The following TBC1D12 variants were observed in gnomAD, a reference collection of about 807,000 sequenced individuals.
The protein encoded by TBC1D12 is TBC1 domain family member 12.
A neutral mutation model predicts 86.7 loss-of-function variants in TBC1D12; 56 were observed. That is an observed-to-expected ratio of 0.65 (90% CI 0.52 to 0.81). TBC1D12 has a LOEUF of 0.81. TBC1D12 is among the 30% of genes least tolerant of loss of function. The pLI is 0.00. For missense variants in TBC1D12, 1,023 were observed against 1,038.8 expected (o/e 0.98, Z 0.21); for synonymous variants, 421 against 411.7 (o/e 1.02, Z -0.27).
At position 94,522,007 on chromosome 10, in the gene TBC1D12, C is replaced by T; in HGVS notation, c.1814C>T (p.Ala605Val). 6.2e-7 allele frequency: 1 copy of T among 1,612,412 alleles called. No individual in the cohort carries two copies. ...AAVLILNLEEADAFIAFANLL... is the reference protein window; with the variant it reads ...AAVLILNLEEVDAFIAFANLL... ...GTACTCATTCTCAATTTGGAAGAGG[C>T]AGATGCCTTTATCGCATTTGCCAAT... The change falls in exon 10 of 13, where the codon GCA becomes GTA. Residue 605 changes from alanine to valine, a missense_variant. Physicochemically the swap from Ala to Val is moderately conservative, Grantham distance 64. This residue lies in a region of TBC1D12 where 395 missense variants were observed against 507.7 expected (regional missense o/e 0.78). Coordinates refer to ENST00000225235, the MANE Select transcript of TBC1D12 (RefSeq NM_015188.2).
intron 11 of TBC1D12, among the ~76,000 whole-genome samples, chr10:94,526,454 A>C (rs527491723): frequency 6.6e-6 from 1 of 152,172 alleles, no homozygotes; most frequent in Non-Finnish European, 1.5e-5. Flanking sequence ...AAAAGAAAGA[A>C]AAAGAGAGTG....
intron 1 of TBC1D12, among the ~76,000 whole-genome samples, chr10:94,416,428 T>C (rs2054998637): frequency 1.3e-5 from 2 of 152,252 alleles, no homozygotes; most frequent in Admixed American, 6.5e-5. Flanking sequence ...TAGTTCATTG[T>C]AATGTTCATA....
intron 2 of TBC1D12, among the ~76,000 whole-genome samples, chr10:94,451,720 CTCTT>C (rs1421106385): frequency 6.6e-6 from 1 of 152,058 alleles, no homozygotes; most frequent in Non-Finnish European, 1.5e-5. Flanking sequence ...GATATCTTAT[CTCTT>C]TGTGTGCCCA....
At chr10:94,404,648 CA>C (rs11365857) in intron 1 of TBC1D12, among the ~76,000 whole-genome samples, 53,834 of 125,612 alleles carry the variant, frequency 0.43, 10,144 homozygotes, top group East Asian at 0.75. Context: ...CTCCGTCTTT[CA>C]AAAAAAAAAA....
chr10:94,477,202 TTGGTCTCTAG>T (rs1382090723), intron 3 of TBC1D12, among the ~76,000 whole-genome samples: 3 of 152,218 alleles, frequency 2.0e-5, no homozygotes, highest in Non-Finnish European at 2.9e-5. Flanking sequence ...GAGACTGAAT[TTGGTCTCTAG>T]TGTTCCACCC....
chr10:94,452,999 A>G (rs1485317348), intron 2 of TBC1D12, among the ~76,000 whole-genome samples: 1 of 152,100 alleles, frequency 6.6e-6, no homozygotes, highest in African/African-American at 2.4e-5. Flanking sequence ...GTGGTGTCTC[A>G]TTGTCTTAAT....
In TBC1D12 at chr10:94,403,269, C is replaced by T. The variant is rs1312228255; in HGVS notation, c.656C>T (p.Ser219Leu). The T allele has an allele frequency of 2.7e-6, 4 of 1,502,648 alleles. No individual in the cohort carries two copies. The highest frequency in any genetic ancestry group is 5.6e-5 in the East Asian group (2 of 35,638). 93.1% of individuals were successfully genotyped at this position (1,502,648 alleles called of 1,614,324 possible). The change falls in exon 1 of 13, where the codon TCG (serine) becomes TTG (leucine). Residue 219 changes from serine to leucine, a missense_variant. Ser to Leu is a moderately radical substitution (Grantham distance 145). Transcript: ENST00000225235. ...AQEPEGAGSD[S>L]GDSPASSCSS... ...GAGCCCGAGGGCGCGGGCAGCGACT[C>T]GGGGGACAGCCCCGCCAGCAGCTGC... is the stretch of plus-strand genomic sequence containing the variant.
At chr10:94,412,219 T>C (rs2054937452) in intron 1 of TBC1D12, among the ~76,000 whole-genome samples, 2 of 152,216 alleles carry the variant, frequency 1.3e-5, no homozygotes, top group African/African-American at 4.8e-5. Context: ...AATAATATTT[T>C]ACATTCTTTG....
chr10:94,523,562 A>T (rs574779325), intron 11 of TBC1D12, among the ~76,000 whole-genome samples: 57 of 152,204 alleles, frequency 3.7e-4, no homozygotes, highest in Middle Eastern at 3.4e-3. Flanking sequence ...AATTTTTTTT[A>T]AAAATGTAAT....
At chr10:94,463,714 T>A (rs2055765639) in intron 2 of TBC1D12, among the ~76,000 whole-genome samples, 1 of 152,248 alleles carries the variant, frequency 6.6e-6, no homozygotes, top group Admixed American at 6.5e-5. Flanking sequence ...GCCCCAAATA[T>A]AGGGGCATTA....
At chr10:94,456,815 A>G (rs1037738974) in intron 2 of TBC1D12, among the ~76,000 whole-genome samples, 1 of 152,098 alleles carries the variant, frequency 6.6e-6, no homozygotes, top group African/African-American at 2.4e-5. Flanking sequence ...TTGTAGTTCT[A>G]TCCGTTTTTG....
chr10:94,410,046 A>G (rs1256330092), intron 1 of TBC1D12, among the ~76,000 whole-genome samples: 1 of 152,192 alleles, frequency 6.6e-6, no homozygotes, highest in Non-Finnish European at 1.5e-5. Flanking sequence ...CTTTTAAGTG[A>G]AAGTTTTTAC....
At chr10:94,489,464 A>G (rs1167869558) in intron 3 of TBC1D12, among the ~76,000 whole-genome samples, 1 of 152,176 alleles carries the variant, frequency 6.6e-6, no homozygotes, top group Non-Finnish European at 1.5e-5. Context: ...TGAAGTTAAA[A>G]CTAGGTACTG....
chr10:94,461,272 C>T (rs533442680), intron 2 of TBC1D12, among the ~76,000 whole-genome samples: 2 of 152,224 alleles, frequency 1.3e-5, no homozygotes, highest in East Asian at 1.9e-4. Flanking sequence ...TGAACCTGTA[C>T]CTCTGAATGG....
intron 2 of TBC1D12, among the ~76,000 whole-genome samples, chr10:94,453,028 A>C (rs1352364309): frequency 6.6e-6 from 1 of 152,196 alleles, no homozygotes; most frequent in Non-Finnish European, 1.5e-5. Flanking sequence ...CCCTAATGAC[A>C]TATGATGTTG....
At chr10:94,465,925 T>C (rs1354713857) in intron 2 of TBC1D12, among the ~76,000 whole-genome samples, 2 of 150,908 alleles carry the variant, frequency 1.3e-5, no homozygotes, top group African/African-American at 4.9e-5. Flanking sequence ...TACGTATATA[T>C]GCGTATATAT....
At position 94,524,552 on chromosome 10, in the gene TBC1D12, A is replaced by C. The variant is rs113270111; in HGVS notation, c.2000+2099A>C. 4.8e-3 allele frequency among the ~76,000 whole-genome samples: 729 copies of C among 152,136 alleles called. 6 individuals are homozygous for C. Among genetic ancestry groups the C allele is most frequent in the African/African-American group, 0.017 (699 of 41,504 alleles). On this transcript the variant is annotated intron_variant, in intron 11 of 12. Coordinates refer to ENST00000225235, the MANE Select transcript of TBC1D12 (RefSeq NM_015188.2). ...TCAGGAGATCGAGACCATCCTGGCC[A>C]ACATGGTGAAACCCGATTTCTACTA...
chr10:94,474,506 A>G (rs2055957041), intron 2 of TBC1D12, among the ~76,000 whole-genome samples, 162 bp from the exon 3 acceptor site: 1 of 151,350 alleles, frequency 6.6e-6, no homozygotes, highest in African/African-American at 2.4e-5. Flanking sequence ...TCCACCTCCA[A>G]AAAAAAAACT....
chr10:94,477,939 A>G (rs2056016897), intron 3 of TBC1D12, among the ~76,000 whole-genome samples: 1 of 152,198 alleles, frequency 6.6e-6, no homozygotes, highest in South Asian at 2.1e-4. Flanking sequence ...ATAGAAGACT[A>G]GATCTCCTAA....
Sources: gnomAD v4.1 joint callset for allele counts (sites outside exome capture counted in the v4.1 genomes callset) on GRCh38, gnomAD v4.1.1 for gene constraint, gnomAD v4.1.1 regional missense constraint, MANE v1.5 for transcripts, NCBI Gene and HGNC (gene_info 2026-07-23, HGNC 2026-07-21) for gene names.